The following PCDH10 variants were observed in gnomAD, a reference collection of about 807,000 sequenced individuals.
PCDH10 encodes protocadherin 10.
In PCDH10, 15 loss-of-function variants were observed where a neutral mutation model predicts 74.4. The ratio of observed to expected loss-of-function variants is 0.20; its 90% CI spans 0.13 to 0.31. The LOEUF (loss-of-function observed/expected upper bound fraction) is 0.31. PCDH10 is among the 10% of genes least tolerant of loss of function. PCDH10 has a pLI of 1.00. For synonymous variants in PCDH10, 619 were observed against 589.8 expected (o/e 1.05, Z -0.72); for missense variants, 1,260 against 1,390.2 (o/e 0.91, Z 1.49).
chr4:133,172,545 G>C (rs1727223118), intron 4 of PCDH10, among the ~76,000 whole-genome samples: 1 of 151,858 alleles, frequency 6.6e-6, no homozygotes, highest in South Asian at 2.1e-4. Context: ...CCACATATTT[G>C]TCCAGTAGCC....
chr4:133,166,692 T>G (rs1354401130), intron 4 of PCDH10, among the ~76,000 whole-genome samples: 1 of 151,570 alleles, frequency 6.6e-6, no homozygotes, highest in Non-Finnish European at 1.5e-5. Context: ...TTAAGATTTT[T>G]GTCAGTAAAT....
At chr4:133,153,288 A>T (rs1160182170) in intron 1 of PCDH10, 1 of 1,007,192 alleles carries the variant, frequency 9.9e-7, no homozygotes, top group African/African-American at 1.7e-5. Context: ...TTAGTGAACA[A>T]GTTACCAGAT....
chr4:133,207,588 A>T (rs1728034809), intron 2 of PCDH10, among the ~76,000 whole-genome samples: 1 of 152,028 alleles, frequency 6.6e-6, no homozygotes, highest in African/African-American at 2.4e-5. Flanking sequence ...TCAAATCTCA[A>T]TTTTTCATGT....
intron 4 of PCDH10, among the ~76,000 whole-genome samples, chr4:133,165,603 G>A (rs1437177624): frequency 3.3e-5 from 5 of 151,466 alleles, no homozygotes; most frequent in Non-Finnish European, 7.4e-5. Flanking sequence ...TAATCAGAAT[G>A]TTTGAATAAT....
At chr4:133,164,132 A>C (rs1405928850) in intron 4 of PCDH10, 15 of 418,774 alleles carry the variant, frequency 3.6e-5, no homozygotes, top group African/African-American at 6.3e-5. Flanking sequence ...AGCATGATGT[A>C]CCACTTTAGC....
chr4:133,182,309 C>T (rs2125870683), intron 4 of PCDH10, among the ~76,000 whole-genome samples: 1 of 152,080 alleles, frequency 6.6e-6, no homozygotes, highest in Middle Eastern at 3.4e-3. Flanking sequence ...TGAAGGAAAA[C>T]ACTTGAAAAG....
Position 133,150,453 on chromosome 4 carries a change from C to A in PCDH10, c.313C>A (p.Leu105Met). ...GGTCTTTCTGGAGAACCCCCTGGAG[C>A]TGTTCCAGGTGGAGATCGAGGTGCT... ...LEVFLENPLE[L>M]FQVEIEVLDI... is the part of the protein sequence containing the mutation. Residue 105 changes from leucine to methionine, a missense_variant, in exon 1 of 5, where the codon CTG becomes ATG. This residue lies in a region of PCDH10 where 63 missense variants were observed against 100.7 expected (regional missense o/e 0.63). Transcript: ENST00000264360. 1.2e-6 allele frequency: 2 copies of A among 1,614,006 alleles called. No homozygotes were observed. The highest frequency in any genetic ancestry group is 1.7e-6 in the Non-Finnish European group (2 of 1,180,004).
intron 4 of PCDH10, among the ~76,000 whole-genome samples, chr4:133,179,393 A>T (rs2125869541): frequency 6.6e-6 from 1 of 152,206 alleles, no homozygotes; most frequent in East Asian, 1.9e-4. Context: ...TGTTTATTCT[A>T]GTTTTTAAAG....
chr4:133,185,412 G>A (rs1023429828), intron 4 of PCDH10, among the ~76,000 whole-genome samples: 2 of 151,768 alleles, frequency 1.3e-5, no homozygotes, highest in African/African-American at 4.8e-5. Flanking sequence ...AATTCAAAAA[G>A]ATTTTAAAGG....
At chr4:133,188,271 A>T (rs1270509973) in intron 4 of PCDH10, among the ~76,000 whole-genome samples, 1 of 152,106 alleles carries the variant, frequency 6.6e-6, no homozygotes, top group Admixed American at 6.6e-5. Context: ...GACCGTAATG[A>T]TTTGCTCTGA....
chr4:133,199,288 A>AT (rs1727854929), downstream of PCDH10, among the ~76,000 whole-genome samples: 1 of 89,014 alleles, frequency 1.1e-5, no homozygotes, highest in African/African-American at 4.2e-5. Context: ...ACCCTGTCTC[A>AT]AAATAATAAT....
chr4:133,197,443 T>G (rs1727818154), downstream of PCDH10, among the ~76,000 whole-genome samples: 1 of 152,158 alleles, frequency 6.6e-6, no homozygotes, highest in Non-Finnish European at 1.5e-5. Flanking sequence ...GGTGTCCTCC[T>G]CTTTACTTAT....
chr4:133,150,048 G>T lies in PCDH10; in HGVS notation c.-93G>T. On this transcript the variant is annotated 5_prime_UTR_variant, in exon 1 of 5. Coordinates refer to ENST00000264360, the MANE Select transcript of PCDH10 (RefSeq NM_032961.3). ...GCCCCCACGTAGCGCACTTTTATTT[G>T]TATTTTTTCAGATTTTTTTTTGTTT... 3 of 1,449,712 alleles carry T rather than the reference G, an allele frequency of 2.1e-6. No homozygotes were observed. The highest frequency in any genetic ancestry group is 2.7e-6 in the Non-Finnish European group (3 of 1,100,908). The allele number at this position is 1,449,712 out of a possible 1,614,324, so 89.8% of individuals were successfully genotyped here.
rs1307718115 is a variant in PCDH10, at chr4:133,152,844, A to G, written c.2631+73A>G. Reference sequence around the variant, plus strand: ...AAGCCTCCTCTAGCCCGGCCCTTGTATCTCTGGTGCACTGTATCTATTTTT... The same window carrying G: ...AAGCCTCCTCTAGCCCGGCCCTTGTGTCTCTGGTGCACTGTATCTATTTTT... On this transcript the variant is annotated intron_variant, in intron 1 of 4. Coordinates refer to ENST00000264360, the MANE Select transcript of PCDH10 (RefSeq NM_032961.3). 2.5e-6 allele frequency: 4 copies of G among 1,587,210 alleles called. No homozygotes were observed. The East Asian group carries it at 6.7e-5, about 27-fold the overall frequency.
At chr4:133,206,724 A>G (rs1277780236) in intron 2 of PCDH10, among the ~76,000 whole-genome samples, 1 of 151,988 alleles carries the variant, frequency 6.6e-6, no homozygotes, top group Non-Finnish European at 1.5e-5. Flanking sequence ...TTTTAGGAGG[A>G]AGAAAGGTTA....
rs752486717 is a variant in PCDH10 at position 133,154,350 on chromosome 4, C to G, written c.2675C>G (p.Pro892Arg). The G allele has an allele frequency of 6.2e-7, 1 of 1,604,996 alleles. No individual in the cohort carries two copies. Among genetic ancestry groups the G allele is most frequent in the Admixed American group, 1.7e-5 (1 of 58,264 alleles). The change falls in exon 2 of 5, where the codon CCT (proline) becomes CGT (arginine). Residue 892 changes from proline to arginine, a missense_variant. By Grantham distance (103) the Pro-to-Arg change is moderately radical (BLOSUM62 -2). Around this residue, in one of 11 missense-constraint regions of PCDH10, gnomAD observed 587 missense variants for 616.9 expected, o/e 0.95. Coordinates refer to ENST00000264360, the MANE Select transcript of PCDH10 (RefSeq NM_032961.3). ...GAGCTCAGCTATCTAGTTGACAGAC[C>G]TCGCCGAGTTAACAGGTATGGACTC... ...RAELSYLVDR[P>R]RRVNSSAFQE...
intron 3 of PCDH10, among the ~76,000 whole-genome samples, chr4:133,156,549 T>C (rs2125860852): frequency 6.6e-6 from 1 of 152,262 alleles, no homozygotes; most frequent in East Asian, 1.9e-4. Context: ...TTTATTGTTA[T>C]CTTTAAAAAC....
At chr4:133,184,805 T>TAAA (rs1278012743) in intron 4 of PCDH10, among the ~76,000 whole-genome samples, 3 of 142,896 alleles carry the variant, frequency 2.1e-5, no homozygotes, top group Non-Finnish European at 4.5e-5. Flanking sequence ...TTTATATATA[T>TAAA]ATATTTATAT....
At chr4:133,202,064 T>C (rs1727918844) in intron 2 of PCDH10, among the ~76,000 whole-genome samples, 1 of 152,066 alleles carries the variant, frequency 6.6e-6, no homozygotes, top group South Asian at 2.1e-4. Flanking sequence ...GGCATCAGTT[T>C]ATATCTTTGT....
Sources: gnomAD v4.1 joint callset for allele counts (sites outside exome capture counted in the v4.1 genomes callset) on GRCh38, gnomAD v4.1.1 for gene constraint, gnomAD v4.1.1 regional missense constraint, MANE v1.5 for transcripts, NCBI Gene and HGNC (gene_info 2026-07-23, HGNC 2026-07-21) for gene names.